Variants in AGXT2 observed in about 807,000 individuals in gnomAD.
The protein encoded by AGXT2 is alanine--glyoxylate aminotransferase 2, mitochondrial.
AGXT2 carries 61 observed loss-of-function variants against 62.5 expected under a neutral mutation model. That is an observed-to-expected ratio of 0.98 (90% CI 0.79 to 1.21). The LOEUF (loss-of-function observed/expected upper bound fraction) is 1.21. AGXT2 is among the 50% of genes most tolerant of loss of function. AGXT2 has a pLI of 0.00. For synonymous variants in AGXT2, 243 were observed against 218.7 expected (o/e 1.11, Z -0.98); for missense variants, 666 against 641.5 (o/e 1.04, Z -0.41).
chr5:34,999,838 C>G (rs1463464676), intron 13 of AGXT2, among the ~76,000 whole-genome samples: 1 of 152,158 alleles, frequency 6.6e-6, no homozygotes, highest in African/African-American at 2.4e-5. Context: ...ATTTGCTGTT[C>G]AACTCCAAAT....
intron 3 of AGXT2, 149 bp downstream of exon 3, chr5:35,039,175 C>T: frequency 1.1e-6 from 1 of 941,860 alleles, no homozygotes; most frequent in Non-Finnish European, 1.7e-6. Context: ...AGATTTTGTA[C>T]TCAGGAAATA....
At chr5:35,003,926 G>A (rs1766329742) in intron 12 of AGXT2, 65 bp from the exon 13 acceptor site, 2 of 1,524,316 alleles carry the variant, frequency 1.3e-6, no homozygotes, top group African/African-American at 1.4e-5. Context: ...TTATTTGCAA[G>A]AGAGGAAAAA....
chr5:35,014,310 G>C (rs909140285), intron 9 of AGXT2, among the ~76,000 whole-genome samples, 191 bp from the exon 10 acceptor site: 4 of 151,728 alleles, frequency 2.6e-5, no homozygotes, highest in African/African-American at 9.7e-5. Flanking sequence ...AAAATTAGCC[G>C]GGCACAGTGG....
chr5:35,001,455 G>A (rs1197263831), intron 13 of AGXT2, among the ~76,000 whole-genome samples: 2 of 152,184 alleles, frequency 1.3e-5, no homozygotes, highest in African/African-American at 2.4e-5. Flanking sequence ...TTCCTCAGAG[G>A]ACAGATTCTG....
intron 9 of AGXT2, among the ~76,000 whole-genome samples, chr5:35,018,037 GA>G (rs1766917738): frequency 6.6e-6 from 1 of 152,132 alleles, no homozygotes; most frequent in African/African-American, 2.4e-5. Context: ...AGAATAAAAA[GA>G]AACGAGCAAA....
At chr5:35,038,594 G>A (rs193073126) in intron 3 of AGXT2, among the ~76,000 whole-genome samples, 4 of 152,292 alleles carry the variant, frequency 2.6e-5, no homozygotes, top group African/African-American at 9.6e-5. Context: ...GCCTGAGGGG[G>A]GGGACTCTTT....
At chr5:35,041,657 GGTGGAGAGAGCTAAGGAAATTAT>G (rs1767995891) in intron 1 of AGXT2, among the ~76,000 whole-genome samples, 1 of 152,172 alleles carries the variant, frequency 6.6e-6, no homozygotes, top group South Asian at 2.1e-4. Context: ...TAATTTTATA[GGTGGAGAGAGCTAAGGAAATTAT>G]GTCTCTTTCT....
At chr5:35,028,844 C>T (rs975909300) in intron 7 of AGXT2, among the ~76,000 whole-genome samples, 5 of 152,128 alleles carry the variant, frequency 3.3e-5, no homozygotes, top group African/African-American at 7.2e-5. Flanking sequence ...GGACAGGGCT[C>T]CCCACCTACC....
chr5:35,038,185 C>T (rs993714562), intron 3 of AGXT2, among the ~76,000 whole-genome samples: 1 of 152,166 alleles, frequency 6.6e-6, no homozygotes. Flanking sequence ...ACGGAAACTC[C>T]TGTGATCAGT....
chr5:35,047,435 C>T (rs532491923), intron 1 of AGXT2, among the ~76,000 whole-genome samples: 95 of 152,004 alleles, frequency 6.2e-4, no homozygotes, highest in African/African-American at 2.2e-3. Flanking sequence ...AGAGGGAGAC[C>T]CTGTCTCAAA....
At chr5:35,031,181 G>A (rs1405999372) in intron 7 of AGXT2, among the ~76,000 whole-genome samples, 2 of 152,188 alleles carry the variant, frequency 1.3e-5, no homozygotes, top group African/African-American at 4.8e-5. Flanking sequence ...TGGGAGCACT[G>A]GCTTTGGAGT....
intron 2 of AGXT2, among the ~76,000 whole-genome samples, 156 bp from the exon 3 acceptor site, chr5:35,039,664 C>T (rs1047052618): frequency 2.6e-5 from 4 of 152,182 alleles, no homozygotes; most frequent in African/African-American, 9.7e-5. Flanking sequence ...ATCGTCCCTG[C>T]AAGAAATTAA....
intron 9 of AGXT2, among the ~76,000 whole-genome samples, chr5:35,017,184 C>G (rs1164249838): frequency 6.6e-6 from 1 of 152,168 alleles, no homozygotes; most frequent in Admixed American, 6.5e-5. Context: ...CTACACCACG[C>G]TCTGTCATTT....
rs143929815 is a variant in AGXT2 at position 35,047,804 on chromosome 5, C to T, written c.88+1G>A. The T allele has an allele frequency of 6.5e-5, 105 of 1,613,868 alleles. 1 individual carries two copies. The highest frequency in any genetic ancestry group is 2.7e-4 in the Admixed American group (16 of 59,998). ...CCCACGTCCCCCTGGTTTCCACTTA[C>T]GGCTCAGGAAAGGATGCATCTCAAG... is the stretch of plus-strand genomic sequence containing the variant. On this transcript the variant is annotated splice_donor_variant, in intron 1 of 13. Coordinates refer to ENST00000231420, the MANE Select transcript of AGXT2 (RefSeq NM_031900.4). LOFTEE classifies it high-confidence loss of function.
chr5:35,001,351 C>A lies in AGXT2; in HGVS notation c.1437+2412G>T, dbSNP rs376044979. Reference sequence around the variant, plus strand: ...TTTTCCAGGATTATCCTCAGAATATCTCCTCTATCTCTACTACCACAGCTC... The same window carrying A: ...TTTTCCAGGATTATCCTCAGAATATATCCTCTATCTCTACTACCACAGCTC... On this transcript the variant is annotated intron_variant, in intron 13 of 13. Coordinates refer to ENST00000231420, the MANE Select transcript of AGXT2 (RefSeq NM_031900.4). Among the ~76,000 whole-genome samples, 31 of 151,960 alleles carry A rather than the reference C, an allele frequency of 2.0e-4. No homozygotes were observed. The South Asian group carries it at 6.5e-3, about 32-fold the overall frequency.
intron 7 of AGXT2, among the ~76,000 whole-genome samples, chr5:35,031,958 T>TA (rs1767576145): frequency 8.4e-6 from 1 of 119,186 alleles, no homozygotes. Context: ...TTTTTTTTTT[T>TA]TTTTTTTTTT....
At chr5:35,025,591 T>G (rs1369965539) in intron 9 of AGXT2, among the ~76,000 whole-genome samples, 172 bp downstream of exon 9, 1 of 152,216 alleles carries the variant, frequency 6.6e-6, no homozygotes, top group African/African-American at 2.4e-5. Flanking sequence ...GATCAGCGAA[T>G]GTACTAACAA....
intron 8 of AGXT2, 165 bp downstream of exon 8, chr5:35,026,245 C>A: frequency 1.5e-6 from 1 of 677,916 alleles, no homozygotes; most frequent in South Asian, 1.8e-5. Flanking sequence ...TTTAAAAGGT[C>A]ATTTGAAAGT....
intron 1 of AGXT2, among the ~76,000 whole-genome samples, chr5:35,045,871 C>A (rs1768181881): frequency 6.6e-6 from 1 of 151,034 alleles, no homozygotes. Context: ...GGGTTCAAGC[C>A]ATTCTCCTGC....
Sources: allele counts gnomAD v4.1 joint callset (sites outside exome capture counted in the v4.1 genomes callset), GRCh38; gene constraint gnomAD v4.1.1; transcripts MANE v1.5; gene names NCBI Gene and HGNC (gene_info 2026-07-23, HGNC 2026-07-21).